GRAMD1B: variants seen among roughly 807,000 people sequenced by gnomAD.
GRAMD1B encodes protein Aster-B.
Under a neutral mutation model 99.7 loss-of-function variants are expected in GRAMD1B, and 37 were observed. The observed-to-expected ratio is 0.37, with a 90% CI of 0.29 to 0.49. The LOEUF is 0.49. Ranked by LOEUF, GRAMD1B falls within the 20% of genes least tolerant of loss-of-function variation. The pLI, the probability that GRAMD1B is intolerant of heterozygous loss-of-function variation, is 0.98. For synonymous variants in GRAMD1B, 427 were observed against 387.6 expected (o/e 1.10, Z -1.19); for missense variants, 888 against 1,009.2 (o/e 0.88, Z 1.63).
intron 2 of GRAMD1B, among the ~76,000 whole-genome samples, chr11:123,498,692 C>T (rs1472080212): frequency 2.6e-5 from 4 of 152,098 alleles, no homozygotes; most frequent in Non-Finnish European, 5.9e-5. Flanking sequence ...TTATGAGTGT[C>T]CCGCTGGTTA....
intron 17 of GRAMD1B, among the ~76,000 whole-genome samples, chr11:123,617,437 C>T (rs928194351): frequency 6.6e-6 from 1 of 152,186 alleles, no homozygotes; most frequent in Non-Finnish European, 1.5e-5. Context: ...AATCCACCCA[C>T]CTTGGCCTCC....
At chr11:123,408,976 G>A (rs1270469423) in intron 1 of GRAMD1B, among the ~76,000 whole-genome samples, 1 of 152,186 alleles carries the variant, frequency 6.6e-6, no homozygotes, top group Admixed American at 6.5e-5. Flanking sequence ...TTGAGCTGTT[G>A]TATTACACTT....
intron 1 of GRAMD1B, among the ~76,000 whole-genome samples, chr11:123,415,331 G>C (rs1258594744): frequency 1.3e-5 from 2 of 151,922 alleles, no homozygotes; most frequent in African/African-American, 2.4e-5. Context: ...TCGATTTCTT[G>C]ATCTCATGAT....
At chr11:123,553,684 C>A (rs543480085) in intron 2 of GRAMD1B, among the ~76,000 whole-genome samples, 1 of 152,286 alleles carries the variant, frequency 6.6e-6, no homozygotes, top group South Asian at 2.1e-4. Flanking sequence ...TTTGGACACC[C>A]CTGAACCAGC....
chr11:123,430,081 T>G (rs1948794834), upstream of GRAMD1B, among the ~76,000 whole-genome samples: 1 of 151,980 alleles, frequency 6.6e-6, no homozygotes, highest in South Asian at 2.1e-4. Context: ...TGTGATCCTA[T>G]TTCAGTAGGC....
chr11:123,446,973 G>A (rs992877757), intron 1 of GRAMD1B, among the ~76,000 whole-genome samples: 1 of 152,074 alleles, frequency 6.6e-6, no homozygotes, highest in Non-Finnish European at 1.5e-5. Flanking sequence ...AAGAGAAAGA[G>A]AGGCAAGAAA....
At chr11:123,372,549 G>A (rs1255767407) in intron 1 of GRAMD1B, among the ~76,000 whole-genome samples, 1 of 152,078 alleles carries the variant, frequency 6.6e-6, no homozygotes, top group Non-Finnish European at 1.5e-5. Flanking sequence ...GGTGTGGAAT[G>A]GTGCTCTCAT....
intron 2 of GRAMD1B, among the ~76,000 whole-genome samples, chr11:123,517,430 CA>C (rs1184650775): frequency 1.1e-4 from 16 of 152,322 alleles, no homozygotes; most frequent in African/African-American, 3.8e-4. Flanking sequence ...ATAATCACAG[CA>C]GTGGTGAAAA....
In GRAMD1B at chr11:123,510,635, G is replaced by A. The variant is rs1160801624; in HGVS notation, c.452+29742G>A. ...GTGACTCTGCCTTTTCTCTCTGGAT[G>A]GTGCCGCTGCTCCTTAGGCCAAGCA... On this transcript the variant is annotated intron_variant, in intron 2 of 19. Coordinates refer to ENST00000635736, the MANE Select transcript of GRAMD1B (RefSeq NM_001387025.1). This position sits in a 1 kb window ranked among gnomAD's most constrained non-coding sequence, Gnocchi z 4.3. Among the ~76,000 whole-genome samples, 1 of 152,188 alleles carries A rather than the reference G, an allele frequency of 6.6e-6. No individual in the cohort carries two copies. Among genetic ancestry groups the A allele is most frequent in the African/African-American group, 2.4e-5 (1 of 41,432 alleles).
rs1290422654 is a variant in GRAMD1B, at chr11:123,577,528, A to T, written c.614A>T (p.Gln205Leu). 3 of 1,599,476 alleles carry T rather than the reference A, an allele frequency of 1.9e-6. No individual in the cohort carries two copies. In the South Asian group the frequency reaches 3.4e-5, roughly 18 times the overall value. Residue 205 changes from glutamine to leucine, a missense_variant, in exon 3 of 20, where the codon CAG becomes CTG. By Grantham distance (113) the Gln-to-Leu change is moderately radical. Around this residue, in one of 5 missense-constraint regions of GRAMD1B, gnomAD observed 233 missense variants for 154.6 expected, o/e 1.51. Coordinates refer to ENST00000635736, the MANE Select transcript of GRAMD1B (RefSeq NM_001387025.1). ...KSPSTPEQGV[Q>L]RSCSSQSGRS... ...CCGTCCACACCGGAGCAGGGCGTGC[A>T]GCGCAGCTGCTCCTCCCAGTCCGGC...
At chr11:123,520,776 CAAAA>C (rs11219185) in intron 2 of GRAMD1B, among the ~76,000 whole-genome samples, 1 of 103,700 alleles carries the variant, frequency 9.6e-6, no homozygotes, top group Non-Finnish European at 1.9e-5. Flanking sequence ...GAGACCCTGT[CAAAA>C]AAAAAAAAAA....
Position 123,406,016 on chromosome 11 carries a change from C to CTT in GRAMD1B, c.-176+47232_-176+47233dup, listed in dbSNP as rs72167101. ...CACAGTCAAAAACTGAACATTATTCCTTTTTTTTTTTTTTTTGAGACAGAG... is the reference window on the plus strand; with the variant it reads ...CACAGTCAAAAACTGAACATTATTCCTTTTTTTTTTTTTTTTTTGAGACAGAG... On this transcript the variant is annotated intron_variant, in intron 1 of 20. Transcript: ENST00000638157. Among the ~76,000 whole-genome samples the CTT allele has an allele frequency of 5.0e-5, 7 of 139,956 alleles. 1 individual carries two copies. The highest frequency in any genetic ancestry group is 4.6e-4 in the South Asian group (2 of 4,388). The allele number at this position is 139,956 out of a possible 152,430, so 91.8% of individuals were successfully genotyped here.
chr11:123,541,006 T>C (rs933462462), intron 2 of GRAMD1B, among the ~76,000 whole-genome samples: 1 of 152,160 alleles, frequency 6.6e-6, no homozygotes, highest in Admixed American at 6.5e-5. Flanking sequence ...CGGAGTTCGC[T>C]CTTGTTGCCC....
At chr11:123,411,828 T>G (rs1441650985) in intron 1 of GRAMD1B, among the ~76,000 whole-genome samples, 1 of 152,038 alleles carries the variant, frequency 6.6e-6, no homozygotes, top group African/African-American at 2.4e-5. Flanking sequence ...TTGTATTTTT[T>G]TGGTAGAGAT....
At chr11:123,373,608 CT>C (rs1176864790) in intron 1 of GRAMD1B, among the ~76,000 whole-genome samples, 1 of 152,146 alleles carries the variant, frequency 6.6e-6, no homozygotes, top group African/African-American at 2.4e-5. Context: ...ATAAAACATT[CT>C]TTGAAAGAAG....
intron 2 of GRAMD1B, among the ~76,000 whole-genome samples, chr11:123,543,843 G>A (rs928352892): frequency 6.6e-6 from 1 of 152,176 alleles, no homozygotes; most frequent in Non-Finnish European, 1.5e-5. Context: ...GTAGTCACAG[G>A]CTTTCATTTA....
chr11:123,529,728 C>T (rs558196726), intron 2 of GRAMD1B, among the ~76,000 whole-genome samples: 9 of 152,196 alleles, frequency 5.9e-5, no homozygotes, highest in East Asian at 1.9e-4. Flanking sequence ...CTTTTGGTGA[C>T]GCAAAGATAG....
At chr11:123,537,458 A>G (rs966790609) in intron 2 of GRAMD1B, among the ~76,000 whole-genome samples, 2 of 152,142 alleles carry the variant, frequency 1.3e-5, no homozygotes, top group Non-Finnish European at 2.9e-5. Context: ...AACTTCACAA[A>G]CCTGAGGATG....
At chr11:123,580,707 C>T (rs543134648) in intron 3 of GRAMD1B, among the ~76,000 whole-genome samples, 53 of 152,304 alleles carry the variant, frequency 3.5e-4, no homozygotes, top group African/African-American at 1.2e-3. Flanking sequence ...GTGCTACCGC[C>T]CAGCTTCCGC....
Sources: gnomAD v4.1 joint callset for allele counts (sites outside exome capture counted in the v4.1 genomes callset) on GRCh38, gnomAD v4.1.1 for gene constraint, gnomAD v4.1.1 regional missense constraint, Gnocchi (gnomAD v3.1) non-coding constraint, MANE v1.5 for transcripts, NCBI Gene and HGNC (gene_info 2026-07-23, HGNC 2026-07-21) for gene names.